ADRA1B: variants seen among roughly 807,000 people sequenced by gnomAD.
The protein encoded by ADRA1B is alpha-1B adrenergic receptor.
A neutral mutation model predicts 17.9 loss-of-function variants in ADRA1B; 17 were observed. That is an observed-to-expected ratio of 0.95 (90% CI 0.65 to 1.42). The LOEUF (loss-of-function observed/expected upper bound fraction) is 1.42, where lower values mean the gene tolerates loss of function less well. ADRA1B is among the 40% of genes most tolerant of loss of function. The probability of loss-of-function intolerance (pLI) is 0.00; values close to 1 mark genes in which losing one functional copy is unlikely to be tolerated. For synonymous variants in ADRA1B, 366 were observed against 327.6 expected (o/e 1.12, Z -1.27); for missense variants, 681 against 722.1 (o/e 0.94, Z 0.65).
chr5:159,896,405 G>A (rs1455436481), intron 1 of ADRA1B, among the ~76,000 whole-genome samples: 1 of 152,194 alleles, frequency 6.6e-6, no homozygotes, highest in African/African-American at 2.4e-5. Flanking sequence ...TTCCATGAGT[G>A]TGCTTGCTAT....
chr5:159,868,662 A>C (rs1753695868), intron 1 of ADRA1B: 1 of 152,168 alleles, frequency 6.6e-6, no homozygotes. Context: ...TGGGTGGCAT[A>C]GTTTTTGTAA....
chr5:159,977,719 A>C (rs1755994185), downstream of ADRA1B, among the ~76,000 whole-genome samples: 1 of 152,134 alleles, frequency 6.6e-6, no homozygotes. Context: ...GTCCAAGCTA[A>C]TTCACTGAAG....
intron 1 of ADRA1B, among the ~76,000 whole-genome samples, chr5:159,920,201 C>T (rs1248176720): frequency 6.6e-6 from 1 of 152,132 alleles, no homozygotes; most frequent in Non-Finnish European, 1.5e-5. Flanking sequence ...AATCACTGGC[C>T]AGAAAATTTC....
chr5:159,884,926 G>A (rs1239474462), intron 1 of ADRA1B, among the ~76,000 whole-genome samples: 1 of 152,246 alleles, frequency 6.6e-6, no homozygotes, highest in East Asian at 1.9e-4. Flanking sequence ...TGTTGTGAGT[G>A]ACAGGCTGGA....
At chr5:159,934,749 G>A (rs1446952749) in intron 1 of ADRA1B, among the ~76,000 whole-genome samples, 1 of 151,394 alleles carries the variant, frequency 6.6e-6, no homozygotes, top group African/African-American at 2.4e-5. Context: ...GTGGAGGGTG[G>A]AGGTTGCAGT....
At chr5:159,878,434 G>T (rs1177048371) in intron 1 of ADRA1B, among the ~76,000 whole-genome samples, 2 of 152,198 alleles carry the variant, frequency 1.3e-5, no homozygotes, top group Non-Finnish European at 2.9e-5. Context: ...TGGGAAATAA[G>T]GAGCCAATAA....
At chr5:159,884,095 C>A (rs894568374) in intron 1 of ADRA1B, among the ~76,000 whole-genome samples, 2 of 151,870 alleles carry the variant, frequency 1.3e-5, no homozygotes, top group African/African-American at 4.8e-5. Flanking sequence ...GGCCTAAAGC[C>A]AAAAATAAAT....
Position 159,971,879 on chromosome 5 carries a change from GCTCCTTGTTCTCCACCCTGAAGCCCCCC to G in ADRA1B, c.951_978del (p.Ser318ThrfsTer88). 1 of 1,328,024 alleles carries G rather than the reference GCTCCTTGTTCTCCACCCTGAAGCCCCCC, an allele frequency of 7.5e-7. No individual in the cohort carries two copies. 82.3% of individuals were successfully genotyped at this position (1,328,024 alleles called of 1,614,324 possible). ...GTGCCCACCCCCCTCCCCACTGCAG[GCTCCTTGTTCTCCACCCTGAAGCCCCCC>G]GACGCCGTGTTCAAGGTGGTGTTCT... On this transcript the variant is annotated frameshift_variant and splice_region_variant, in exon 2 of 2. Transcript: ENST00000306675. LOFTEE classifies it low-confidence loss of function (END_TRUNC).
intron 1 of ADRA1B, among the ~76,000 whole-genome samples, chr5:159,922,614 C>T (rs928040062): frequency 2.0e-5 from 3 of 152,150 alleles, no homozygotes; most frequent in South Asian, 2.1e-4. Flanking sequence ...GCTCAGGGCT[C>T]GATGTTCTCC....
At position 159,917,431 on chromosome 5, in the gene ADRA1B, A is replaced by G. The variant is rs759306305; in HGVS notation, c.526A>G (p.Ile176Val). The change falls in exon 1 of 2, where the codon ATC (isoleucine) becomes GTC (valine). Residue 176 changes from isoleucine to valine, a missense_variant. Around this residue, in one of 3 missense-constraint regions of ADRA1B, gnomAD observed 424 missense variants for 480.2 expected, o/e 0.88. Transcript: ENST00000306675. ...LLSVWVLSTVISIGPLLGWKE... is the reference protein window; with the variant it reads ...LLSVWVLSTVVSIGPLLGWKE... ...CAGTGTCTGGGTCTTGTCCACCGTC[A>G]TCTCCATCGGGCCTCTCCTTGGGTG... 30 of 1,614,044 alleles carry G rather than the reference A, an allele frequency of 1.9e-5. No homozygotes were observed. Among genetic ancestry groups the G allele is most frequent in the Non-Finnish European group, 2.5e-5 (30 of 1,180,030 alleles).
At chr5:159,954,166 G>C (rs1267879042) in intron 1 of ADRA1B, among the ~76,000 whole-genome samples, 2 of 152,168 alleles carry the variant, frequency 1.3e-5, no homozygotes, top group Non-Finnish European at 2.9e-5. Flanking sequence ...CTCCATGCTT[G>C]GTGTCTGAAT....
At chr5:159,938,585 G>A (rs574676866) in intron 1 of ADRA1B, among the ~76,000 whole-genome samples, 1 of 152,324 alleles carries the variant, frequency 6.6e-6, no homozygotes, top group African/African-American at 2.4e-5. Flanking sequence ...ACAGGCATCT[G>A]AATCTCAGGA....
intron 1 of ADRA1B, chr5:159,870,005 C>A (rs765041700): frequency 3.9e-5 from 6 of 152,108 alleles, no homozygotes; most frequent in Non-Finnish European, 7.4e-5. Flanking sequence ...ATCAATCCTA[C>A]GTTTCTTGAG....
At chr5:159,907,672 C>T (rs955219624) in intron 1 of ADRA1B, among the ~76,000 whole-genome samples, 1 of 152,182 alleles carries the variant, frequency 6.6e-6, no homozygotes, top group African/African-American at 2.4e-5. Context: ...TTATTGAGAG[C>T]TTTCTAGGTG....
chr5:159,899,404 AGT>A (rs1285119711), intron 1 of ADRA1B, among the ~76,000 whole-genome samples: 4 of 152,122 alleles, frequency 2.6e-5, no homozygotes, highest in Non-Finnish European at 2.9e-5. Context: ...GTCTGGGCTC[AGT>A]GGGAAAGACT....
chr5:159,939,805 G>C (rs562055128), intron 1 of ADRA1B, among the ~76,000 whole-genome samples: 28 of 152,312 alleles, frequency 1.8e-4, no homozygotes, highest in Middle Eastern at 6.8e-3. Context: ...GCCTTTGCCA[G>C]TGCAATTCCC....
At position 159,916,681 on chromosome 5, in the gene ADRA1B, G is replaced by T. The variant is rs1190499964; in HGVS notation, c.-225G>T. The T allele has an allele frequency of 6.3e-6, 3 of 477,470 alleles. No homozygotes were observed. The highest frequency in any genetic ancestry group is 1.1e-5 in the Non-Finnish European group (3 of 271,272). 29.6% of individuals were successfully genotyped at this position (477,470 alleles called of 1,614,324 possible). ...CCATTAAACTTGGAGCTGCCGCCTC[G>T]TCCCCTCTCCTCCTCCTCCTCCCTC... On this transcript the variant is annotated 5_prime_UTR_variant, in exon 1 of 2. Coordinates refer to ENST00000306675, the MANE Select transcript of ADRA1B (RefSeq NM_000679.4).
At chr5:159,925,259 C>T (rs1373813004) in intron 1 of ADRA1B, among the ~76,000 whole-genome samples, 2 of 152,188 alleles carry the variant, frequency 1.3e-5, no homozygotes, top group Non-Finnish European at 2.9e-5. Context: ...AACCAAGAGG[C>T]ACCATATCCT....
chr5:159,869,294 A>G lies in ADRA1B; in HGVS notation c.-256+4088A>G, dbSNP rs182168336. ...CTCAGTTTAACAGGTATAGCAGTAC[A>G]CTATGGTTTGGCCAGAATCTGGAGA... is the stretch of plus-strand genomic sequence containing the variant. On this transcript the variant is annotated intron_variant, in intron 1 of 2. Coordinates refer to the ADRA1B transcript ENST00000641205. 3.2e-4 allele frequency: 48 copies of G among 152,206 alleles called. 1 individual carries two copies. The highest frequency in any genetic ancestry group is 1.1e-3 in the African/African-American group (46 of 41,444). 9.4% of individuals were successfully genotyped at this position (152,206 alleles called of 1,614,324 possible).
Sources: gnomAD v4.1 joint callset for allele counts (sites outside exome capture counted in the v4.1 genomes callset) on GRCh38, gnomAD v4.1.1 for gene constraint, gnomAD v4.1.1 regional missense constraint, MANE v1.5 for transcripts, NCBI Gene and HGNC (gene_info 2026-07-23, HGNC 2026-07-21) for gene names.